MYH7B: variants seen among roughly 807,000 people sequenced by gnomAD.
MYH7B encodes the protein myosin heavy chain 7B.
MYH7B carries 205 observed loss-of-function variants against 234.5 expected under a neutral mutation model. The observed-to-expected ratio is 0.87, with a 90% confidence interval of 0.78 to 0.98. MYH7B has a LOEUF of 0.98. MYH7B is among the 50% of genes least tolerant of loss of function. The pLI, the probability that MYH7B is intolerant of heterozygous loss-of-function variation, is 0.00. For missense variants in MYH7B, 2,652 were observed against 2,633.4 expected, an observed-to-expected ratio of 1.01 and a Z score of -0.15; for synonymous variants, 1,193 against 1,105.0, an observed-to-expected ratio of 1.08 and a Z score of -1.58.
At chr20:34,964,603 T>C (rs1188136613) in intron 2 of MYH7B, among the ~76,000 whole-genome samples, 1 of 151,210 alleles carries the variant, frequency 6.6e-6, no homozygotes, top group Non-Finnish European at 1.5e-5. Context: ...AGGGAGGGAG[T>C]GGAGAAAGAG....
In MYH7B at chr20:34,997,066, C is replaced by T. The variant is rs771725466; in HGVS notation, c.3267-17C>T. ...GGAGTTAAGGCCTGTGCTGGCCACC[C>T]ACTCTGTGGCTCCCAGGAAGGACTC... On this transcript the variant is annotated splice_polypyrimidine_tract_variant and intron_variant, in intron 30 of 44. Transcript: ENST00000262873. 1 of 1,548,190 alleles carries T rather than the reference C, an allele frequency of 6.5e-7. No individual in the cohort carries two copies. The highest frequency in any genetic ancestry group is 1.2e-5 in the South Asian group (1 of 83,918).
chr20:34,977,723 AGGGTGGGCGGGTGGGTGAGGGTGCCCAT>A, intron 4 of MYH7B, 43 bp downstream of exon 4: 1 of 170,980 alleles, frequency 5.8e-6, no homozygotes, highest in Non-Finnish European at 9.6e-6. Flanking sequence ...GGAGGGCAGG[AGGGTGGGCGGGTGGGTGAGGGTGCCCAT>A]GGGTGGCCGC....
In MYH7B at chr20:34,997,255, G is replaced by A. The variant is rs776164665; in HGVS notation, c.3362G>A (p.Arg1121Gln). Residue 1121 changes from arginine to glutamine, a missense_variant, in exon 32 of 45, where the codon CGG (arginine) becomes CAG (glutamine). Transcript: ENST00000262873. ...TGCCCCACGTGCCCACCCCAGGCTC[G>A]GGCGGAGGAGCTGGAAGAGGAGCTG... The A allele has an allele frequency of 2.9e-5, 45 of 1,557,820 alleles. No individual in the cohort carries two copies. In the African/African-American group the frequency reaches 3.4e-4, roughly 12 times the overall value.
chr20:35,000,002 T>C (rs1246926075), intron 38 of MYH7B, 96 bp downstream of exon 38: 3 of 1,213,604 alleles, frequency 2.5e-6, no homozygotes, highest in Non-Finnish European at 2.4e-6. Flanking sequence ...CCATGGGACT[T>C]TGAGGTCCGG....
chr20:34,988,405 TGTA>T (rs748934367), intron 19 of MYH7B, 143 bp downstream of exon 19: 120 of 946,766 alleles, frequency 1.3e-4, no homozygotes, highest in South Asian at 2.7e-4. Context: ...TGCATGTGAG[TGTA>T]GTTGTGACAG....
chr20:35,001,074 G>A (rs754429325), exon 41 of MYH7B: 1 of 1,613,812 alleles, frequency 6.2e-7, no homozygotes, highest in Non-Finnish European at 8.5e-7. Flanking sequence ...AGCAGACGGT[G>A]CGCGAGCTCC....
chr20:34,967,840 A>G (rs1569027637), intron 2 of MYH7B, among the ~76,000 whole-genome samples: 1 of 152,208 alleles, frequency 6.6e-6, no homozygotes, highest in Non-Finnish European at 1.5e-5. Flanking sequence ...GACCCCAGGC[A>G]GGGCCTCAGC....
chr20:34,966,051 C>T (rs1174306761), intron 2 of MYH7B, among the ~76,000 whole-genome samples: 1 of 151,836 alleles, frequency 6.6e-6, no homozygotes, highest in Non-Finnish European at 1.5e-5. Context: ...GGGACTGAAT[C>T]CTGATGCCTA....
chr20:34,973,914 AT>A (rs2147160741), intron 2 of MYH7B, among the ~76,000 whole-genome samples: 1 of 139,454 alleles, frequency 7.2e-6, no homozygotes, highest in African/African-American at 2.7e-5. Context: ...ACACGCCACC[AT>A]GCCTGGCTAA....
intron 5 of MYH7B, among the ~76,000 whole-genome samples, chr20:34,979,055 C>G (rs937191399): frequency 1.3e-5 from 2 of 152,126 alleles, no homozygotes; most frequent in Non-Finnish European, 2.9e-5. Context: ...TGTATGGGAC[C>G]TAAGGAGATC....
At chr20:34,961,301 A>G (rs1002892148) in intron 2 of MYH7B, among the ~76,000 whole-genome samples, 3 of 152,296 alleles carry the variant, frequency 2.0e-5, no homozygotes, top group Admixed American at 2.0e-4. Context: ...TTTACATTTT[A>G]TTTATTATGA....
exon 14 of MYH7B, chr20:34,986,125 C>T: frequency 1.3e-6 from 2 of 1,592,622 alleles, no homozygotes; most frequent in Non-Finnish European, 1.7e-6. Flanking sequence ...CGCGGGTGAT[C>T]TTCCAGTTGC....
intron 18 of MYH7B, 37 bp downstream of exon 18, chr20:34,987,951 C>T (rs1363256639): frequency 6.4e-7 from 1 of 1,565,564 alleles, no homozygotes; most frequent in South Asian, 1.2e-5. Flanking sequence ...CTGTTCTCTC[C>T]AAGGTAGAGG....
intron 6 of MYH7B, 68 bp from the exon 7 acceptor site, chr20:34,979,593 T>TG (rs1162449233): frequency 6.2e-7 from 1 of 1,607,410 alleles, no homozygotes; most frequent in Non-Finnish European, 8.5e-7. Context: ...GGTATGTGGG[T>TG]GGGGGTGACA....
exon 32 of MYH7B, chr20:34,997,598 GGAC>G (rs1569060382): frequency 1.2e-6 from 2 of 1,613,640 alleles, no homozygotes; most frequent in Admixed American, 1.7e-5. Flanking sequence ...GCATGGAGGT[GGAC>G]GACCTGGCTG....
rs529215915 is a variant in MYH7B at position 34,986,207 on chromosome 20, C to T, written c.904+9C>T. 64 of 1,580,910 alleles carry T rather than the reference C, an allele frequency of 4.0e-5. No homozygotes were observed. The Admixed American group carries it at 1.0e-3, about 25-fold the overall frequency. ...GAAGCCAGAGCTGCAGGGTGAGGGGCAGTACGATGAAGGGGGTGGGAGTCA... is the reference window on the plus strand; with the variant it reads ...GAAGCCAGAGCTGCAGGGTGAGGGGTAGTACGATGAAGGGGGTGGGAGTCA... On this transcript the variant is annotated intron_variant, in intron 14 of 44. Transcript: ENST00000262873.
Position 34,999,816 on chromosome 20 carries a change from A to G in MYH7B, c.4691A>G (p.Lys1564Arg), listed in dbSNP as rs950858257. ...GGGGCCCTGGAGCTGGAGGAGACCA[A>G]GACGCTGCGGATCCAGCTGGAGCTC... Residue 1564 changes from lysine (K) to arginine (R), a missense_variant, in exon 38 of 45, where the codon AAG (lysine) becomes AGG (arginine). Transcript: ENST00000262873. The G allele has an allele frequency of 1.9e-6, 3 of 1,607,388 alleles. No individual in the cohort carries two copies. In the African/African-American group the frequency reaches 4.1e-5, roughly 22 times the overall value.
Position 34,987,540 on chromosome 20 carries a change from C to A in MYH7B, c.1148-17C>A. ...ATGGTGGTGTCCTCCTCCCTTACCC[C>A]ACTCGTGCCCTGCCAGGTGCTGACA... is the stretch of plus-strand genomic sequence containing the variant. On this transcript the variant is annotated splice_polypyrimidine_tract_variant and intron_variant, in intron 16 of 44. Transcript: ENST00000262873. The A allele has an allele frequency of 6.6e-7, 1 of 1,507,528 alleles. No individual in the cohort carries two copies. Among genetic ancestry groups the A allele is most frequent in the African/African-American group, 2.2e-5 (1 of 46,362 alleles). The allele number at this position is 1,507,528 out of a possible 1,614,324, so 93.4% of individuals were successfully genotyped here.
chr20:34,999,770 C>CCCCCCCCCCCCCTTTTT, intron 37 of MYH7B, 21 bp from the exon 38 acceptor site: 1 of 992,842 alleles, frequency 1.0e-6, no homozygotes, highest in South Asian at 1.2e-5. Flanking sequence ...CCACCCTACC[C>CCCCCCCCCCCCCTTTTT]TGCCTGCTCT....
Sources: gnomAD v4.1 joint callset for allele counts (sites outside exome capture counted in the v4.1 genomes callset) on GRCh38, gnomAD v4.1.1 for gene constraint, MANE v1.5 for transcripts, NCBI Gene and HGNC (gene_info 2026-07-23, HGNC 2026-07-21) for gene names.